ADGRL2: variants seen among roughly 807,000 people sequenced by gnomAD.
ADGRL2 encodes adhesion G protein-coupled receptor L2, also known as calcium-independent alpha-latrotoxin receptor 2.
ADGRL2 carries 44 observed loss-of-function variants against 157.4 expected under a neutral mutation model. The ratio of observed to expected loss-of-function variants is 0.28; its 90% CI spans 0.22 to 0.36. The LOEUF is 0.36. ADGRL2 is among the 10% of genes least tolerant of loss of function. ADGRL2 has a pLI of 1.00. For synonymous variants in ADGRL2, 585 were observed against 624.7 expected, an observed-to-expected ratio of 0.94 and a Z score of 0.95; for missense variants, 1,510 against 1,768.9, an observed-to-expected ratio of 0.85 and a Z score of 2.63.
chr1:81,555,615 C>G (rs78583841), intron 2 of ADGRL2, among the ~76,000 whole-genome samples: 1 of 151,878 alleles, frequency 6.6e-6, no homozygotes, highest in African/African-American at 2.4e-5. Context: ...GAATTTGAGG[C>G]GACCTGAAAA....
intron 3 of ADGRL2, among the ~76,000 whole-genome samples, chr1:81,676,402 A>T (rs551256744): frequency 6.6e-6 from 1 of 152,222 alleles, no homozygotes; most frequent in East Asian, 1.9e-4. Context: ...GGTTCAAGTG[A>T]TCCTACCACC....
chr1:81,333,305 C>T (rs557648496), intron 1 of ADGRL2, among the ~76,000 whole-genome samples: 1 of 152,216 alleles, frequency 6.6e-6, no homozygotes, highest in African/African-American at 2.4e-5. Flanking sequence ...CCGGAGACAC[C>T]TTTTATGGTA....
chr1:81,515,444 GAA>G (rs35373497), intron 2 of ADGRL2, among the ~76,000 whole-genome samples: 21 of 111,614 alleles, frequency 1.9e-4, no homozygotes, highest in South Asian at 1.1e-3. Context: ...AGGAACCTCA[GAA>G]AAAAAAAAAA....
intron 17 of ADGRL2, among the ~76,000 whole-genome samples, chr1:81,978,250 A>G (rs1200861744): frequency 2.6e-5 from 4 of 151,718 alleles, no homozygotes; most frequent in Non-Finnish European, 4.4e-5. Flanking sequence ...ACATCCTTGT[A>G]CGGAACAAGG....
At chr1:81,391,992 A>G (rs1470782549) in intron 1 of ADGRL2, among the ~76,000 whole-genome samples, 1 of 152,158 alleles carries the variant, frequency 6.6e-6, no homozygotes, top group African/African-American at 2.4e-5. Flanking sequence ...CAGTTTACTT[A>G]TGAGGAGCAT....
intron 1 of ADGRL2, among the ~76,000 whole-genome samples, chr1:81,433,809 G>T (rs994093399): frequency 6.6e-6 from 1 of 152,152 alleles, no homozygotes; most frequent in Admixed American, 6.5e-5. Flanking sequence ...CTCACTCAGG[G>T]TTCATAATTC....
intron 1 of ADGRL2, among the ~76,000 whole-genome samples, chr1:81,401,165 GC>G (rs2076747350): frequency 6.6e-6 from 1 of 152,114 alleles, no homozygotes; most frequent in Non-Finnish European, 1.5e-5. Flanking sequence ...GAAGGTGGTG[GC>G]CAACATACTT....
At chr1:81,976,412 C>T (rs1660202260) in intron 17 of ADGRL2, among the ~76,000 whole-genome samples, 1 of 151,912 alleles carries the variant, frequency 6.6e-6, no homozygotes, top group Non-Finnish European at 1.5e-5. Flanking sequence ...AATTTCTTTA[C>T]ATCTAGATAT....
At position 81,723,286 on chromosome 1, in the gene ADGRL2, G is replaced by A. The variant is rs560198654; in HGVS notation, c.-143+23478G>A. Reference sequence around the variant, plus strand: ...TCATTCAGATAATGTTTTCCTACTAGGAATTAATCCCTACCTCTCTCCCCC... The same window carrying A: ...TCATTCAGATAATGTTTTCCTACTAAGAATTAATCCCTACCTCTCTCCCCC... On this transcript the variant is annotated intron_variant, in intron 1 of 20. Transcript: ENST00000359929. 4.6e-5 allele frequency among the ~76,000 whole-genome samples: 7 copies of A among 152,228 alleles called. No individual in the cohort carries two copies. The South Asian group carries it at 1.4e-3, about 32-fold the overall frequency.
chr1:81,504,179 G>A (rs141057780), intron 2 of ADGRL2, among the ~76,000 whole-genome samples: 1 of 152,140 alleles, frequency 6.6e-6, no homozygotes, highest in African/African-American at 2.4e-5. Context: ...TGCTTCACAC[G>A]GACCATTCTC....
chr1:81,443,520 GA>G (rs1363352237), intron 1 of ADGRL2, among the ~76,000 whole-genome samples: 1 of 151,994 alleles, frequency 6.6e-6, no homozygotes, highest in African/African-American at 2.4e-5. Context: ...TTAAGTCAGA[GA>G]CAGTGTCTGA....
At chr1:81,825,077 G>A (rs1183875647) in intron 1 of ADGRL2, among the ~76,000 whole-genome samples, 2 of 151,958 alleles carry the variant, frequency 1.3e-5, no homozygotes, top group Non-Finnish European at 2.9e-5. Context: ...TGGGCGCAGT[G>A]GCTCAAGCCT....
chr1:81,616,682 T>TTTTTTTTC (rs1557509303), intron 3 of ADGRL2, among the ~76,000 whole-genome samples: 1 of 137,936 alleles, frequency 7.2e-6, no homozygotes, highest in African/African-American at 2.8e-5. Context: ...TTCTTTTCTT[T>TTTTTTTTC]TTTTTTTTTT....
chr1:81,685,927 G>A (rs891988320), intron 3 of ADGRL2, among the ~76,000 whole-genome samples: 3 of 152,024 alleles, frequency 2.0e-5, no homozygotes, highest in Non-Finnish European at 4.4e-5. Context: ...TGTTTATGTG[G>A]CATATCACAT....
rs192251313 is a variant in ADGRL2, at chr1:81,747,092, G to A, written c.-142-14719G>A. 1.9e-3 allele frequency among the ~76,000 whole-genome samples: 264 copies of A among 139,784 alleles called. 3 individuals are homozygous for A. The highest frequency in any genetic ancestry group is 2.6e-3 in the Admixed American group (36 of 14,100). 91.7% of individuals were successfully genotyped at this position (139,784 alleles called of 152,430 possible). A position where few individuals can be genotyped will look rare whatever the true frequency, so the allele number is the denominator to read the frequency against. ...TATATATGTATATATGTGTATATAC[G>A]TAATATATACATATATGTGTATATA... On this transcript the variant is annotated intron_variant, in intron 1 of 20. Transcript: ENST00000359929.
upstream of ADGRL2, among the ~76,000 whole-genome samples, chr1:81,699,274 T>A (rs2083509857): frequency 6.6e-6 from 1 of 152,224 alleles, no homozygotes; most frequent in Admixed American, 6.5e-5. Context: ...ATGGTTAGAT[T>A]TAATTAGAAG....
At chr1:81,336,291 A>C (rs1443026746) in intron 1 of ADGRL2, among the ~76,000 whole-genome samples, 2 of 152,186 alleles carry the variant, frequency 1.3e-5, no homozygotes, top group Non-Finnish European at 2.9e-5. Context: ...TATGAATGCG[A>C]CTGATTGTGA....
chr1:81,520,297 T>C (rs931234892), intron 2 of ADGRL2, among the ~76,000 whole-genome samples: 2 of 152,148 alleles, frequency 1.3e-5, no homozygotes, highest in African/African-American at 2.4e-5. Context: ...ATCTACTGTT[T>C]AGTACTAAAA....
intron 1 of ADGRL2, among the ~76,000 whole-genome samples, chr1:81,435,160 TAC>T (rs2077387107): frequency 6.6e-6 from 1 of 152,230 alleles, no homozygotes; most frequent in African/African-American, 2.4e-5. Context: ...AAAATAAAAT[TAC>T]ATTTACTTTT....
Sources: gnomAD v4.1 joint callset for allele counts (sites outside exome capture counted in the v4.1 genomes callset) on GRCh38, gnomAD v4.1.1 for gene constraint, MANE v1.5 for transcripts, NCBI Gene and HGNC (gene_info 2026-07-23, HGNC 2026-07-21) for gene names.